Variants in PAK6 observed in about 807,000 individuals in gnomAD.
The protein encoded by PAK6 is p21 (RAC1) activated kinase 6.
In PAK6, 33 loss-of-function variants were observed where a neutral mutation model predicts 60.8. The observed-to-expected ratio is 0.54, with a 90% confidence interval of 0.41 to 0.73. The LOEUF (loss-of-function observed/expected upper bound fraction) is 0.73. Among genes scored for constraint, PAK6 ranks in the 30% least tolerant of loss-of-function variants. The pLI is 0.00. For synonymous variants in PAK6, 404 were observed against 378.5 expected, an observed-to-expected ratio of 1.07 and a Z score of -0.78; for missense variants, 845 against 904.1, an observed-to-expected ratio of 0.93 and a Z score of 0.84.
At chr15:40,264,495 A>G in intron 3 of PAK6, 1 of 561,346 alleles carries the variant, frequency 1.8e-6, no homozygotes, top group Non-Finnish European at 3.4e-6. Flanking sequence ...ACACACCCCC[A>G]GAGTCTGCCT....
intron 2 of PAK6, among the ~76,000 whole-genome samples, chr15:40,249,136 T>C (rs1175845367): frequency 6.6e-6 from 1 of 152,154 alleles, no homozygotes; most frequent in African/African-American, 2.4e-5. Flanking sequence ...CCTCACATGA[T>C]GGAAAGGGCC....
intron 5 of PAK6, among the ~76,000 whole-genome samples, chr15:40,271,570 C>G (rs1321244908): frequency 6.6e-6 from 1 of 152,196 alleles, no homozygotes; most frequent in Non-Finnish European, 1.5e-5. Flanking sequence ...AGATTCCCAG[C>G]CCAGGGGAGA....
At position 40,273,695 on chromosome 15, in the gene PAK6, C is replaced by T. The variant is rs35668022; in HGVS notation, c.1743+19C>T. The stretch of plus-strand genomic sequence containing the variant: ...CACTGAGGTAACCGTTCCCTCCACC[C>T]CCCAGACCTCCCAAAAGCAACTTGG... On this transcript the variant is annotated intron_variant, in intron 9 of 10. Coordinates refer to ENST00000560346, the Ensembl canonical transcript of PAK6. The T allele has an allele frequency of 3.0e-3, 4,856 of 1,608,982 alleles. 136 individuals are homozygous for T. The African/African-American group carries it at 0.059, about 19-fold the overall frequency.
chr15:40,252,881 C>T lies in PAK6; in HGVS notation c.-117-297C>T, dbSNP rs976076978. 35 of 1,231,602 alleles carry T rather than the reference C, an allele frequency of 2.8e-5. No individual in the cohort carries two copies. The African/African-American group carries it at 4.3e-4, about 15-fold the overall frequency. The allele number at this position is 1,231,602 out of a possible 1,614,324, so 76.3% of individuals were successfully genotyped here. On this transcript the variant is annotated intron_variant, in intron 2 of 10. Coordinates refer to ENST00000560346, the Ensembl canonical transcript of PAK6. ...TCCCTCCGCGGGCGCCCGCCCGGCG[C>T]GGGGCATTCGCGTCCCCGAGAGGGC...
At chr15:40,264,548 C>A in intron 3 of PAK6, 1 of 626,192 alleles carries the variant, frequency 1.6e-6, no homozygotes. Context: ...CACCTCTTTT[C>A]CTTGTTTATA....
At position 40,252,934 on chromosome 15, in the gene PAK6, C is replaced by T. The variant is rs940836567; in HGVS notation, c.-117-244C>T. 1.2e-5 allele frequency: 12 copies of T among 1,020,006 alleles called. No homozygotes were observed. In the African/African-American group the frequency reaches 1.4e-4, roughly 12 times the overall value. The allele number at this position is 1,020,006 out of a possible 1,614,324, so 63.2% of individuals were successfully genotyped here. On this transcript the variant is annotated intron_variant, in intron 2 of 10. Coordinates refer to ENST00000560346, the Ensembl canonical transcript of PAK6. ...AGCAGTGGGGCCTGCGAGCTGGGGC[C>T]GGGTGGCCGCGCCGGGTCGGAGTGT...
At chr15:40,257,207 C>G (rs566461896) in intron 3 of PAK6, 1 of 152,552 alleles carries the variant, frequency 6.6e-6, no homozygotes, top group Non-Finnish European at 1.5e-5. Flanking sequence ...TCTTCCCAGT[C>G]GCCCGCAAAT....
chr15:40,241,982 C>G (rs1451384438), intron 2 of PAK6, among the ~76,000 whole-genome samples: 1 of 152,226 alleles, frequency 6.6e-6, no homozygotes. Flanking sequence ...GACTCTGTGC[C>G]TAGGAGTCTT....
rs111909648 is a variant in PAK6 at position 40,267,543 on chromosome 15, A to C, written c.858+1048A>C. ...GCGCGGTGGCGGGCGCCTGTAGTCCAAGCTACTCAGGAGGCTGAGGCAGGA... is the reference window on the plus strand; with the variant it reads ...GCGCGGTGGCGGGCGCCTGTAGTCCCAGCTACTCAGGAGGCTGAGGCAGGA... On this transcript the variant is annotated intron_variant, in intron 5 of 10. Transcript: ENST00000560346. Among the ~76,000 whole-genome samples, 767 of 152,276 alleles carry C rather than the reference A, an allele frequency of 5.0e-3. 4 individuals are homozygous for C. The highest frequency in any genetic ancestry group is 7.9e-3 in the Non-Finnish European group (540 of 68,012).
chr15:40,275,279 G>GGTTTTTTTTTTTTTTTT (rs2039416785), intron 10 of PAK6, among the ~76,000 whole-genome samples: 1 of 13,712 alleles, frequency 7.3e-5, no homozygotes, highest in Non-Finnish European at 1.7e-4. Flanking sequence ...TGTTGTTGTT[G>GGTTTTTTTTTTTTTTTT]GTTTTTTTTT....
At chr15:40,252,954 G>C in intron 2 of PAK6, 2 of 857,352 alleles carry the variant, frequency 2.3e-6, no homozygotes, top group Non-Finnish European at 3.1e-6. Context: ...CGCCGGGTCG[G>C]AGTGTGGCTG....
At chr15:40,271,577 G>GA (rs2039302770) in intron 5 of PAK6, among the ~76,000 whole-genome samples, 2 of 152,308 alleles carry the variant, frequency 1.3e-5, no homozygotes, top group African/African-American at 4.8e-5. Context: ...CAGCCCAGGG[G>GA]AGACACCTGA....
At chr15:40,261,105 A>T (rs189170085) in intron 3 of PAK6, among the ~76,000 whole-genome samples, 3 of 151,344 alleles carry the variant, frequency 2.0e-5, no homozygotes, top group African/African-American at 7.3e-5. Flanking sequence ...AGCCAGGATG[A>T]TCTCTATCTC....
chr15:40,262,237 G>A (rs1263212669), intron 3 of PAK6, among the ~76,000 whole-genome samples: 1 of 152,150 alleles, frequency 6.6e-6, no homozygotes, highest in African/African-American at 2.4e-5. Flanking sequence ...GTAGCAAAAG[G>A]CAAAGGCTGT....
chr15:40,269,588 T>A (rs755357036), intron 5 of PAK6, among the ~76,000 whole-genome samples: 32 of 152,246 alleles, frequency 2.1e-4, no homozygotes, highest in Non-Finnish European at 4.7e-4. Flanking sequence ...ACAAGTTTCA[T>A]CTGGTCCTTG....
intron 5 of PAK6, among the ~76,000 whole-genome samples, chr15:40,271,758 C>T (rs988291100): frequency 1.3e-5 from 2 of 152,228 alleles, no homozygotes; most frequent in Non-Finnish European, 2.9e-5. Flanking sequence ...GCTCCCCACC[C>T]CACTGCCAGG....
chr15:40,242,485 A>G (rs1048920002), intron 2 of PAK6, among the ~76,000 whole-genome samples: 1 of 152,170 alleles, frequency 6.6e-6, no homozygotes, highest in East Asian at 1.9e-4. Context: ...AGTAAAGCTC[A>G]TCAGGAGGCA....
chr15:40,245,892 G>C (rs1033500960), intron 2 of PAK6: 1 of 152,412 alleles, frequency 6.6e-6, no homozygotes, highest in Non-Finnish European at 1.5e-5. Context: ...TTGATGGCTT[G>C]GGAGAGGCGG....
chr15:40,260,322 A>T (rs978791753), intron 3 of PAK6: 3 of 152,054 alleles, frequency 2.0e-5, no homozygotes, highest in Admixed American at 6.5e-5. Flanking sequence ...TTCCATGCAG[A>T]TATCAAATTA....
Sources: gnomAD v4.1 joint callset for allele counts (sites outside exome capture counted in the v4.1 genomes callset) on GRCh38, gnomAD v4.1.1 for gene constraint, MANE v1.5 for transcripts, NCBI Gene and HGNC (gene_info 2026-07-23, HGNC 2026-07-21) for gene names.